Variants in GABRB1 observed in about 807,000 individuals in gnomAD.
The protein encoded by GABRB1 is gamma-aminobutyric acid type A receptor subunit beta1.
In GABRB1, 17 loss-of-function variants were observed where a neutral mutation model predicts 51.6. The ratio of observed to expected loss-of-function variants is 0.33; its 90% CI spans 0.23 to 0.49. The LOEUF is 0.49. GABRB1 is among the 20% of genes least tolerant of loss of function. The pLI is 0.99. For synonymous variants in GABRB1, 247 were observed against 218.9 expected, an observed-to-expected ratio of 1.13 and a Z score of -1.14; for missense variants, 410 against 600.6, an observed-to-expected ratio of 0.68 and a Z score of 3.32.
chr4:47,334,408 A>G (rs1194252076), intron 5 of GABRB1, among the ~76,000 whole-genome samples: 2 of 152,188 alleles, frequency 1.3e-5, no homozygotes, highest in African/African-American at 4.8e-5. Flanking sequence ...TGAGTTTTAA[A>G]TAAACTGAGG....
intron 4 of GABRB1, among the ~76,000 whole-genome samples, chr4:47,281,160 A>C (rs1723279692): frequency 6.6e-6 from 1 of 152,218 alleles, no homozygotes; most frequent in South Asian, 2.1e-4. Context: ...CAAAGGGCTA[A>C]TGTCCAAAAT....
At chr4:47,031,454 C>T (rs908836442), upstream of GABRB1, 19 of 593,630 alleles carry the variant, frequency 3.2e-5, 1 homozygote, top group South Asian at 3.7e-4. Flanking sequence ...ATGGAGCACC[C>T]CAAATAGGAA....
At chr4:47,318,165 C>G (rs1020742240) in intron 4 of GABRB1, among the ~76,000 whole-genome samples, 2 of 151,942 alleles carry the variant, frequency 1.3e-5, no homozygotes, top group Admixed American at 6.6e-5. Context: ...GCTCAGTCCT[C>G]TCATTAATCA....
chr4:47,393,180 T>C (rs73136054), intron 5 of GABRB1, among the ~76,000 whole-genome samples: 55,207 of 152,052 alleles, frequency 0.36, 10,937 homozygotes, highest in African/African-American at 0.52. Context: ...AGCTTTCTGA[T>C]TGTGGCAATC....
chr4:47,359,727 A>G (rs1244026586), intron 5 of GABRB1, among the ~76,000 whole-genome samples: 1 of 152,088 alleles, frequency 6.6e-6, no homozygotes, highest in African/African-American at 2.4e-5. Flanking sequence ...GTCCAATTTC[A>G]CTGTATTAAA....
At chr4:47,390,127 G>A (rs1318136064) in intron 5 of GABRB1, among the ~76,000 whole-genome samples, 1 of 152,192 alleles carries the variant, frequency 6.6e-6, no homozygotes, top group Non-Finnish European at 1.5e-5. Flanking sequence ...TTTGGGACTG[G>A]ATCAACTTGG....
intron 3 of GABRB1, among the ~76,000 whole-genome samples, chr4:47,068,410 A>T (rs912561529): frequency 1.3e-5 from 2 of 152,350 alleles, no homozygotes; most frequent in African/African-American, 4.8e-5. Context: ...TTTTCAGCCT[A>T]TCTGGGCTTT....
intron 4 of GABRB1, among the ~76,000 whole-genome samples, chr4:47,171,584 G>A (rs1266524140): frequency 1.3e-5 from 2 of 151,972 alleles, no homozygotes; most frequent in Admixed American, 1.3e-4. Context: ...ATTTATGTAT[G>A]TATTGATGTG....
intron 4 of GABRB1, among the ~76,000 whole-genome samples, chr4:47,194,566 C>T (rs1302221278): frequency 2.0e-5 from 3 of 152,184 alleles, no homozygotes; most frequent in Non-Finnish European, 4.4e-5. Flanking sequence ...GTTGTTATGG[C>T]AAATACTATT....
At chr4:47,125,002 G>T (rs1204388840) in intron 3 of GABRB1, among the ~76,000 whole-genome samples, 1 of 152,094 alleles carries the variant, frequency 6.6e-6, no homozygotes, top group African/African-American at 2.4e-5. Context: ...TCCAAAACAG[G>T]ATTAACCTGA....
In GABRB1 at chr4:47,341,482, C is replaced by T. The variant is rs560189552; in HGVS notation, c.544+21273C>T. ...GTGGGTAATTTTTCTCTTTTCATTA[C>T]TGAAAAATCTGGGACACAACAAAGA... On this transcript the variant is annotated intron_variant, in intron 5 of 8. Transcript: ENST00000295454. 3.3e-5 allele frequency among the ~76,000 whole-genome samples: 5 copies of T among 152,246 alleles called. No homozygotes were observed. The East Asian group carries it at 9.6e-4, about 29-fold the overall frequency.
At chr4:47,367,626 C>A (rs762287279) in intron 5 of GABRB1, among the ~76,000 whole-genome samples, 1 of 152,174 alleles carries the variant, frequency 6.6e-6, no homozygotes, top group South Asian at 2.1e-4. Flanking sequence ...CCTTTGCTGT[C>A]CCGTGTGGCA....
intron 5 of GABRB1, among the ~76,000 whole-genome samples, chr4:47,391,354 C>G (rs953130211): frequency 6.6e-6 from 1 of 152,148 alleles, no homozygotes; most frequent in Non-Finnish European, 1.5e-5. Flanking sequence ...ATTAAAATCT[C>G]TATTGATCAG....
chr4:47,294,520 G>A (rs1348203315), intron 4 of GABRB1, among the ~76,000 whole-genome samples: 2 of 152,236 alleles, frequency 1.3e-5, no homozygotes, highest in East Asian at 3.8e-4. Flanking sequence ...AGCAGTCTGA[G>A]ATCAAACTGC....
intron 3 of GABRB1, among the ~76,000 whole-genome samples, chr4:47,043,616 T>A (rs1274278865): frequency 6.6e-6 from 1 of 152,082 alleles, no homozygotes; most frequent in Non-Finnish European, 1.5e-5. Context: ...TGGACAGAGA[T>A]ATGAGCCAAA....
chr4:47,329,865 AAGAG>A (rs1415004736), intron 5 of GABRB1, among the ~76,000 whole-genome samples: 2 of 151,936 alleles, frequency 1.3e-5, no homozygotes, highest in East Asian at 3.9e-4. Flanking sequence ...AGAAATAAGA[AAGAG>A]AGAGAAAGAC....
intron 5 of GABRB1, among the ~76,000 whole-genome samples, chr4:47,363,628 G>A (rs1726879812): frequency 1.3e-5 from 2 of 152,018 alleles, no homozygotes; most frequent in African/African-American, 2.4e-5. Flanking sequence ...GAAACAGAAT[G>A]GATTACAGGT....
At chr4:47,187,162 C>T (rs974738089) in intron 4 of GABRB1, among the ~76,000 whole-genome samples, 3 of 151,716 alleles carry the variant, frequency 2.0e-5, no homozygotes, top group African/African-American at 7.2e-5. Flanking sequence ...TACCTATGAT[C>T]CCCTTAAAAA....
intron 4 of GABRB1, among the ~76,000 whole-genome samples, chr4:47,223,036 T>C (rs995651298): frequency 1.3e-5 from 2 of 152,120 alleles, no homozygotes; most frequent in African/African-American, 2.4e-5. Context: ...AGGTTCTTCA[T>C]AGTCCAGCAA....
Sources: gnomAD v4.1 joint callset for allele counts (sites outside exome capture counted in the v4.1 genomes callset) on GRCh38, gnomAD v4.1.1 for gene constraint, MANE v1.5 for transcripts, NCBI Gene and HGNC (gene_info 2026-07-23, HGNC 2026-07-21) for gene names.